CPA6: variants seen among roughly 807,000 people sequenced by gnomAD.
The protein encoded by CPA6 is carboxypeptidase A6, also known as carboxypeptidase B.
A neutral mutation model predicts 63.3 loss-of-function variants in CPA6; 58 were observed. The observed-to-expected ratio is 0.92, with a 90% confidence interval of 0.74 to 1.14. The LOEUF is 1.14. CPA6 is among the 50% of genes most tolerant of loss of function. The probability of loss-of-function intolerance (pLI) is 0.00; values close to 1 mark genes in which losing one functional copy is unlikely to be tolerated. For synonymous variants in CPA6, 185 were observed against 179.0 expected (o/e 1.03, Z -0.27); for missense variants, 565 against 526.6 (o/e 1.07, Z -0.71).
At chr8:67,529,321 G>T (rs548009677) in intron 2 of CPA6, among the ~76,000 whole-genome samples, 8 of 152,242 alleles carry the variant, frequency 5.3e-5, no homozygotes, top group East Asian at 1.9e-4. Flanking sequence ...AAATGACTTG[G>T]CTGATCACAG....
intron 6 of CPA6, among the ~76,000 whole-genome samples, chr8:67,488,356 T>C (rs527282698): frequency 1.3e-5 from 2 of 152,308 alleles, no homozygotes; most frequent in East Asian, 3.9e-4. Flanking sequence ...AAAGATCAGA[T>C]GGTTGTAGAT....
At chr8:67,641,108 G>A (rs1815583170) in intron 1 of CPA6, among the ~76,000 whole-genome samples, 1 of 151,768 alleles carries the variant, frequency 6.6e-6, no homozygotes, top group African/African-American at 2.4e-5. Context: ...TCTTTCTGCT[G>A]CAGCCGGCAT....
chr8:67,685,992 T>C (rs2128996611), intron 1 of CPA6, among the ~76,000 whole-genome samples: 1 of 152,352 alleles, frequency 6.6e-6, no homozygotes, highest in South Asian at 2.1e-4. Flanking sequence ...CCTGTTAGGT[T>C]TCTTCACAGC....
At chr8:67,496,706 A>C (rs1053737890) in intron 6 of CPA6, among the ~76,000 whole-genome samples, 3 of 151,512 alleles carry the variant, frequency 2.0e-5, no homozygotes, top group African/African-American at 7.3e-5. Flanking sequence ...GATTACAGGC[A>C]TGTGCCACCA....
intron 6 of CPA6, among the ~76,000 whole-genome samples, chr8:67,496,527 A>T (rs1309382257): frequency 9.4e-5 from 8 of 84,826 alleles, no homozygotes; most frequent in Non-Finnish European, 1.9e-4. Flanking sequence ...GTTTATATAT[A>T]TATATATATA....
intron 2 of CPA6, among the ~76,000 whole-genome samples, chr8:67,568,745 T>C (rs1437179274): frequency 6.6e-6 from 1 of 152,220 alleles, no homozygotes; most frequent in Non-Finnish European, 1.5e-5. Flanking sequence ...CCAGGAAGTT[T>C]TTTTTTATTA....
chr8:67,728,240 C>T (rs750022360), intron 1 of CPA6, among the ~76,000 whole-genome samples: 6 of 152,186 alleles, frequency 3.9e-5, no homozygotes, highest in Non-Finnish European at 5.9e-5. Context: ...CTACACTCCC[C>T]ACTTACCTCT....
chr8:67,743,298 CA>C (rs1373637176), intron 1 of CPA6, among the ~76,000 whole-genome samples: 1 of 152,050 alleles, frequency 6.6e-6, no homozygotes, highest in East Asian at 1.9e-4. Context: ...TCTTTCCACA[CA>C]TTTTTTTAAG....
intron 8 of CPA6, among the ~76,000 whole-genome samples, chr8:67,454,880 T>G (rs1034508401): frequency 1.3e-5 from 2 of 151,960 alleles, no homozygotes; most frequent in African/African-American, 2.4e-5. Context: ...CATGCACACA[T>G]GAGAAAATTA....
chr8:67,498,704 A>T (rs1000478837), intron 6 of CPA6, among the ~76,000 whole-genome samples: 2 of 152,122 alleles, frequency 1.3e-5, no homozygotes, highest in African/African-American at 4.8e-5. Flanking sequence ...ATGGCACCAT[A>T]AATATCATAT....
intron 2 of CPA6, among the ~76,000 whole-genome samples, chr8:67,553,704 T>C (rs1293110997): frequency 6.6e-6 from 1 of 152,220 alleles, no homozygotes; most frequent in African/African-American, 2.4e-5. Flanking sequence ...CTCCAATAAA[T>C]ATTTTCTCAT....
chr8:67,476,791 C>T (rs1391347550), intron 8 of CPA6, among the ~76,000 whole-genome samples: 1 of 152,142 alleles, frequency 6.6e-6, no homozygotes, highest in Non-Finnish European at 1.5e-5. Flanking sequence ...AGCAAGTTCC[C>T]TCACTTCTCT....
chr8:67,455,320 T>C (rs956156462), intron 8 of CPA6, among the ~76,000 whole-genome samples: 27 of 152,128 alleles, frequency 1.8e-4, no homozygotes, highest in African/African-American at 6.5e-4. Context: ...TCCGTGGTTC[T>C]CATTGTGGTG....
intron 1 of CPA6, among the ~76,000 whole-genome samples, chr8:67,638,159 TGG>T (rs1263261169): frequency 6.6e-6 from 1 of 151,284 alleles, no homozygotes; most frequent in Non-Finnish European, 1.5e-5. Context: ...TGGTAGCCCT[TGG>T]ATGCCCTAGA....
At chr8:67,610,844 A>G (rs1228616419) in intron 2 of CPA6, among the ~76,000 whole-genome samples, 1 of 152,226 alleles carries the variant, frequency 6.6e-6, no homozygotes, top group African/African-American at 2.4e-5. Flanking sequence ...TCAAATTGGA[A>G]AAGTCTTCTG....
At chr8:67,445,883 C>T (rs1810399421) in intron 8 of CPA6, among the ~76,000 whole-genome samples, 1 of 151,954 alleles carries the variant, frequency 6.6e-6, no homozygotes, top group Non-Finnish European at 1.5e-5. Flanking sequence ...AATGATTATA[C>T]TTAAATATTT....
chr8:67,651,435 C>T (rs1236634472), intron 1 of CPA6, among the ~76,000 whole-genome samples: 5 of 152,108 alleles, frequency 3.3e-5, no homozygotes, highest in East Asian at 3.9e-4. Flanking sequence ...TCACACCACA[C>T]GCCATTTCCT....
chr8:67,533,958 G>T (rs1055506455), intron 2 of CPA6, among the ~76,000 whole-genome samples: 3 of 152,232 alleles, frequency 2.0e-5, no homozygotes, highest in Non-Finnish European at 4.4e-5. Flanking sequence ...AAATGATGTG[G>T]TTGACGAAAA....
chr8:67,531,304 G>A (rs1812472804), intron 2 of CPA6, among the ~76,000 whole-genome samples: 1 of 151,914 alleles, frequency 6.6e-6, no homozygotes, highest in Non-Finnish European at 1.5e-5. Flanking sequence ...AATAAACAGG[G>A]ATTACATTAT....
Sources: allele counts gnomAD v4.1 joint callset (sites outside exome capture counted in the v4.1 genomes callset), GRCh38; gene constraint gnomAD v4.1.1; transcripts MANE v1.5; gene names NCBI Gene and HGNC (gene_info 2026-07-23, HGNC 2026-07-21).